Variants in PTPRR observed in about 807,000 individuals in gnomAD.
The protein encoded by PTPRR is protein tyrosine phosphatase receptor type R.
In PTPRR, 38 loss-of-function variants were observed where a neutral mutation model predicts 77.2. The ratio of observed to expected loss-of-function variants is 0.49; its 90% confidence interval spans 0.38 to 0.65. The LOEUF (loss-of-function observed/expected upper bound fraction) is 0.65. Among genes scored for constraint, PTPRR ranks in the 30% least tolerant of loss-of-function variants. The probability of loss-of-function intolerance (pLI) is 0.00; values close to 1 mark genes in which losing one functional copy is unlikely to be tolerated. For synonymous variants in PTPRR, 299 were observed against 283.1 expected, an observed-to-expected ratio of 1.06 and a Z score of -0.57; for missense variants, 744 against 799.2, an observed-to-expected ratio of 0.93 and a Z score of 0.83.
At position 70,684,777 on chromosome 12, in the gene PTPRR, A is replaced by T; in HGVS notation, c.1286T>A (p.Leu429His). 1 of 1,598,174 alleles carries T rather than the reference A, an allele frequency of 6.3e-7. No homozygotes were observed. The highest frequency in any genetic ancestry group is 1.1e-5 in the South Asian group (1 of 88,416). The change falls in exon 9 of 14, where the codon CTC (leucine) becomes CAC (histidine). Residue 429 changes from leucine to histidine, a missense_variant. Physicochemically the swap from Leu to His is moderately conservative, Grantham distance 99. Transcript: ENST00000283228. ...TTTTGGTCTTAAACACACTCTGCTGAGGGGATCTAATGAAGAAAACAAAAA... is the reference window on the plus strand; with the variant it reads ...TTTTGGTCTTAAACACACTCTGCTGTGGGGATCTAATGAAGAAAACAAAAA... ...NRYKTILPNPLSRVCLRPKNV... is the reference protein window; with the variant it reads ...NRYKTILPNPHSRVCLRPKNV...
At chr12:70,892,214 C>T (rs1893350087) in intron 2 of PTPRR, among the ~76,000 whole-genome samples, 1 of 152,014 alleles carries the variant, frequency 6.6e-6, no homozygotes, top group Non-Finnish European at 1.5e-5. Context: ...GAAAACTACT[C>T]TCCCTCTACC....
At chr12:70,696,862 G>A (rs1341482023) in intron 8 of PTPRR, among the ~76,000 whole-genome samples, 1 of 152,024 alleles carries the variant, frequency 6.6e-6, no homozygotes, top group Admixed American at 6.6e-5. Context: ...TACAAAATAT[G>A]AGGTCTTTTG....
chr12:70,716,487 A>G (rs757328133), intron 6 of PTPRR, among the ~76,000 whole-genome samples: 8 of 152,136 alleles, frequency 5.3e-5, no homozygotes, highest in Non-Finnish European at 1.0e-4. Flanking sequence ...TTTGTAATAT[A>G]TATGTTTTAC....
At chr12:70,704,724 A>T (rs1455876151) in intron 6 of PTPRR, among the ~76,000 whole-genome samples, 2 of 152,142 alleles carry the variant, frequency 1.3e-5, no homozygotes, top group African/African-American at 4.8e-5. Context: ...ATAAACATAT[A>T]AACTTATGGG....
intron 2 of PTPRR, among the ~76,000 whole-genome samples, chr12:70,892,467 C>T (rs1421278003): frequency 3.3e-5 from 5 of 151,910 alleles, no homozygotes; most frequent in East Asian, 3.9e-4. Context: ...CTGCTATGAG[C>T]GGAGGATACA....
chr12:70,721,361 T>C (rs1405448222), intron 6 of PTPRR, among the ~76,000 whole-genome samples: 2 of 152,192 alleles, frequency 1.3e-5, no homozygotes, highest in Admixed American at 6.5e-5. Context: ...GGCACCGCTA[T>C]TGTGAATAAC....
At chr12:70,661,699 T>C (rs953476723) in intron 11 of PTPRR, among the ~76,000 whole-genome samples, 3 of 152,184 alleles carry the variant, frequency 2.0e-5, no homozygotes, top group Non-Finnish European at 4.4e-5. Context: ...CTCCAGAACA[T>C]GTGTTGAAAA....
chr12:70,780,349 A>T (rs527587037), intron 2 of PTPRR, among the ~76,000 whole-genome samples: 21 of 152,346 alleles, frequency 1.4e-4, no homozygotes, highest in East Asian at 1.9e-4. Context: ...GTTGTAAATT[A>T]AATTCAAATG....
At chr12:70,895,176 C>T (rs1893405685) in intron 1 of PTPRR, among the ~76,000 whole-genome samples, 1 of 151,596 alleles carries the variant, frequency 6.6e-6, no homozygotes, top group South Asian at 2.1e-4. Context: ...CCTGTAAAAA[C>T]TAGCAATTCC....
intron 8 of PTPRR, 189 bp from the exon 9 acceptor site, chr12:70,684,972 G>A: frequency 2.3e-6 from 1 of 440,282 alleles, no homozygotes; most frequent in South Asian, 4.1e-5. Flanking sequence ...CTTCACTCCT[G>A]ACATAAAGCT....
At chr12:70,836,351 C>T (rs556020779) in intron 2 of PTPRR, among the ~76,000 whole-genome samples, 8 of 151,480 alleles carry the variant, frequency 5.3e-5, no homozygotes, top group Admixed American at 4.0e-4. Context: ...CTTCATCTGC[C>T]TGCCTGGAAA....
intron 2 of PTPRR, among the ~76,000 whole-genome samples, chr12:70,803,078 A>G (rs972726010): frequency 2.6e-5 from 4 of 152,204 alleles, no homozygotes; most frequent in African/African-American, 9.6e-5. Context: ...CCAAATTTAG[A>G]AAGAATATTT....
At chr12:70,641,586 T>C (rs1886003589) in intron 13 of PTPRR, among the ~76,000 whole-genome samples, 1 of 152,198 alleles carries the variant, frequency 6.6e-6, no homozygotes, top group Non-Finnish European at 1.5e-5. Context: ...GCAAAATTCT[T>C]GCAGGTCTGA....
chr12:70,752,762 C>G (rs1036353569), intron 5 of PTPRR, among the ~76,000 whole-genome samples: 22 of 152,132 alleles, frequency 1.4e-4, no homozygotes, highest in Admixed American at 6.6e-5. Flanking sequence ...AGAAAAATAC[C>G]CTAATTGTGA....
At chr12:70,849,978 T>C (rs757297933) in intron 2 of PTPRR, among the ~76,000 whole-genome samples, 13 of 152,204 alleles carry the variant, frequency 8.5e-5, no homozygotes, top group Admixed American at 6.6e-5. Context: ...TTTACAAAAA[T>C]ATTCATTTCA....
chr12:70,800,840 AG>A (rs1891602378), intron 2 of PTPRR, among the ~76,000 whole-genome samples: 1 of 151,730 alleles, frequency 6.6e-6, no homozygotes, highest in Admixed American at 6.6e-5. Context: ...GGTTGTAGTG[AG>A]CTGAGATCGC....
intron 2 of PTPRR, among the ~76,000 whole-genome samples, chr12:70,804,308 C>A (rs1489991788): frequency 6.6e-6 from 1 of 152,110 alleles, no homozygotes; most frequent in Non-Finnish European, 1.5e-5. Context: ...GTGATCCCAG[C>A]ACTTTGGGAG....
At chr12:70,735,103 CAAAT>C (rs1179101765) in intron 6 of PTPRR, among the ~76,000 whole-genome samples, 2 of 152,060 alleles carry the variant, frequency 1.3e-5, no homozygotes, top group Non-Finnish European at 2.9e-5. Context: ...TAAAATCTGA[CAAAT>C]AAAGAGAACA....
At chr12:70,821,318 G>T (rs1000636950) in intron 2 of PTPRR, among the ~76,000 whole-genome samples, 2 of 142,652 alleles carry the variant, frequency 1.4e-5, no homozygotes, top group African/African-American at 5.2e-5. Flanking sequence ...TCCGCCTCCC[G>T]GGTACAAGTG....
Sources: allele counts gnomAD v4.1 joint callset (sites outside exome capture counted in the v4.1 genomes callset), GRCh38; gene constraint gnomAD v4.1.1; transcripts MANE v1.5; gene names NCBI Gene and HGNC (gene_info 2026-07-23, HGNC 2026-07-21).